PBX1: variants seen among roughly 807,000 people sequenced by gnomAD.
PBX1 encodes the protein pre-B-cell leukemia transcription factor 1.
In PBX1, 6 loss-of-function variants were observed where a neutral mutation model predicts 53.4. The observed-to-expected ratio is 0.11, with a 90% CI of 0.06 to 0.22. The LOEUF is 0.22. PBX1 is among the 10% of genes least tolerant of loss of function. The pLI, the probability that PBX1 is intolerant of heterozygous loss-of-function variation, is 1.00. For synonymous variants in PBX1, 204 were observed against 212.3 expected, an observed-to-expected ratio of 0.96 and a Z score of 0.34; for missense variants, 251 against 551.4, an observed-to-expected ratio of 0.46 and a Z score of 5.46.
chr1:164,691,011 CTTTTTTTTT>C, intron 2 of PBX1, among the ~76,000 whole-genome samples: 1 of 106,504 alleles, frequency 9.4e-6, no homozygotes, highest in African/African-American at 3.5e-5. Context: ...GTTGTTAAAT[CTTTTTTTTT>C]TTTTTTTTTT....
At chr1:164,874,204 A>G (rs1032275585) in intron 2 of PBX1, among the ~76,000 whole-genome samples, 3 of 152,164 alleles carry the variant, frequency 2.0e-5, no homozygotes, top group Non-Finnish European at 4.4e-5. Flanking sequence ...TCTTCACCCT[A>G]TAGAATATAA....
intron 2 of PBX1, among the ~76,000 whole-genome samples, chr1:164,787,917 C>A (rs1209080677): frequency 2.0e-5 from 3 of 152,204 alleles, no homozygotes; most frequent in Admixed American, 2.0e-4. Flanking sequence ...TGGGCGCAAC[C>A]CCTCTGCAGA....
intron 1 of PBX1, among the ~76,000 whole-genome samples, chr1:164,561,656 CT>C (rs1275497214): frequency 6.6e-6 from 1 of 152,082 alleles, no homozygotes; most frequent in Non-Finnish European, 1.5e-5. Flanking sequence ...ATAGATACTA[CT>C]TTTTTGATGT....
At chr1:164,806,370 A>AT (rs1669349581) in intron 4 of PBX1, among the ~76,000 whole-genome samples, 1 of 152,118 alleles carries the variant, frequency 6.6e-6, no homozygotes, top group Non-Finnish European at 1.5e-5. Context: ...TTGTTTTACC[A>AT]TTTAGCAGCT....
intron 2 of PBX1, among the ~76,000 whole-genome samples, chr1:164,736,827 T>G (rs1186557805): frequency 6.6e-6 from 1 of 152,226 alleles, no homozygotes; most frequent in Non-Finnish European, 1.5e-5. Flanking sequence ...ACTGTGTTTC[T>G]TATTGTCTAG....
intron 2 of PBX1, among the ~76,000 whole-genome samples, chr1:164,619,601 G>A (rs1423786343): frequency 6.6e-6 from 1 of 152,110 alleles, no homozygotes; most frequent in African/African-American, 2.4e-5. Context: ...ACCACAGGGA[G>A]CAGTTCACCT....
intron 2 of PBX1, among the ~76,000 whole-genome samples, chr1:164,635,322 G>A (rs1354330611): frequency 2.6e-5 from 4 of 152,058 alleles, no homozygotes; most frequent in Admixed American, 2.0e-4. Context: ...TAAAAAGTGG[G>A]GGGCGAGGGG....
chr1:164,667,743 G>T (rs1228602118), intron 2 of PBX1, among the ~76,000 whole-genome samples: 1 of 152,202 alleles, frequency 6.6e-6, no homozygotes, highest in South Asian at 2.1e-4. Flanking sequence ...GCAGGAGTGA[G>T]CCGTTTAGCT....
chr1:164,747,280 T>C (rs1388794324), intron 2 of PBX1, among the ~76,000 whole-genome samples: 1 of 152,134 alleles, frequency 6.6e-6, no homozygotes, highest in East Asian at 1.9e-4. Context: ...GTAACTCTCC[T>C]ACTTATGTAA....
chr1:164,695,311 GA>G (rs954340724), intron 2 of PBX1, among the ~76,000 whole-genome samples: 7 of 152,124 alleles, frequency 4.6e-5, no homozygotes, highest in African/African-American at 1.7e-4. Context: ...TAACCTACAT[GA>G]ACCTTGTGAT....
At chr1:164,644,312 A>G (rs1659320530) in intron 2 of PBX1, among the ~76,000 whole-genome samples, 2 of 152,132 alleles carry the variant, frequency 1.3e-5, no homozygotes, top group Non-Finnish European at 2.9e-5. Context: ...TACATTACCT[A>G]TCTAGTCTAT....
At chr1:164,877,449 G>T (rs1672541572) in intron 2 of PBX1, among the ~76,000 whole-genome samples, 1 of 152,108 alleles carries the variant, frequency 6.6e-6, no homozygotes, top group Non-Finnish European at 1.5e-5. Context: ...GATCACTTGA[G>T]GTCAGGAATT....
chr1:164,852,841 A>G (rs372057904), downstream of PBX1, among the ~76,000 whole-genome samples: 1 of 152,208 alleles, frequency 6.6e-6, no homozygotes, highest in Non-Finnish European at 1.5e-5. Context: ...CCAGAAGCCA[A>G]AATGGAGGAC....
At chr1:164,701,805 C>G (rs1226142824) in intron 2 of PBX1, among the ~76,000 whole-genome samples, 4 of 152,148 alleles carry the variant, frequency 2.6e-5, no homozygotes, top group African/African-American at 9.7e-5. Flanking sequence ...TGATTTGTGT[C>G]ATTTTCTATC....
intron 2 of PBX1, among the ~76,000 whole-genome samples, chr1:164,779,100 G>C (rs886539517): frequency 1.3e-4 from 19 of 148,778 alleles, no homozygotes; most frequent in Non-Finnish European, 2.4e-4. Context: ...CTGGAGTGCA[G>C]TGGCGCTATC....
intron 2 of PBX1, among the ~76,000 whole-genome samples, chr1:164,731,087 G>A (rs536965465): frequency 6.6e-6 from 1 of 152,190 alleles, no homozygotes; most frequent in South Asian, 2.1e-4. Flanking sequence ...GTGTATGGGC[G>A]CACGCGCATG....
chr1:164,759,476 A>G (rs1236887144), intron 2 of PBX1, among the ~76,000 whole-genome samples: 1 of 152,242 alleles, frequency 6.6e-6, no homozygotes, highest in Non-Finnish European at 1.5e-5. Flanking sequence ...TGGCTGGTTC[A>G]GGAGCTTCAT....
intron 2 of PBX1, among the ~76,000 whole-genome samples, chr1:164,729,204 G>A (rs1390413962): frequency 6.6e-6 from 1 of 152,212 alleles, no homozygotes; most frequent in East Asian, 1.9e-4. Context: ...CTTACAGTGA[G>A]TAGGAAATTA....
chr1:164,659,642 G>GCAGCA (rs1660368275), intron 2 of PBX1, among the ~76,000 whole-genome samples: 1 of 152,176 alleles, frequency 6.6e-6, no homozygotes. Flanking sequence ...TGCAGAACCT[G>GCAGCA]CCTCCCCCTT....
Sources: allele counts gnomAD v4.1 joint callset (sites outside exome capture counted in the v4.1 genomes callset), GRCh38; gene constraint gnomAD v4.1.1; transcripts MANE v1.5; gene names NCBI Gene and HGNC (gene_info 2026-07-23, HGNC 2026-07-21).